Variants in NRXN1 observed in about 807,000 individuals in gnomAD.
The protein encoded by NRXN1 is neurexin 1.
A neutral mutation model predicts 150.9 loss-of-function variants in NRXN1; 39 were observed. The observed-to-expected ratio is 0.26, with a 90% CI of 0.20 to 0.34. The LOEUF is 0.34. Among genes scored for constraint, NRXN1 ranks in the 10% least tolerant of loss-of-function variants. The probability of loss-of-function intolerance (pLI) is 1.00; values close to 1 mark genes in which losing one functional copy is unlikely to be tolerated. For missense variants in NRXN1, 1,815 were observed against 1,949.9 expected, an observed-to-expected ratio of 0.93 and a Z score of 1.30; for synonymous variants, 924 against 757.0, an observed-to-expected ratio of 1.22 and a Z score of -3.62.
intron 5 of NRXN1, among the ~76,000 whole-genome samples, chr2:50,667,413 C>A (rs1481795860): frequency 6.6e-6 from 1 of 151,862 alleles, no homozygotes; most frequent in Admixed American, 6.6e-5. Flanking sequence ...CACATGTTCA[C>A]AGAATAAGAA....
At chr2:50,639,606 T>C (rs938694734) in intron 5 of NRXN1, among the ~76,000 whole-genome samples, 2 of 152,148 alleles carry the variant, frequency 1.3e-5, no homozygotes, top group African/African-American at 2.4e-5. Flanking sequence ...TTCTGTAAAA[T>C]ACATGACAGT....
intron 17 of NRXN1, among the ~76,000 whole-genome samples, chr2:50,419,042 A>G (rs1299010849): frequency 6.6e-6 from 1 of 152,062 alleles, no homozygotes; most frequent in African/African-American, 2.4e-5. Context: ...GACAAAATAC[A>G]CAATTGAGGA....
intron 5 of NRXN1, among the ~76,000 whole-genome samples, chr2:50,870,417 C>T (rs1677604049): frequency 6.6e-6 from 1 of 151,918 alleles, no homozygotes; most frequent in Non-Finnish European, 1.5e-5. Flanking sequence ...CCCGCCTCAG[C>T]CTTCTGAGTA....
intron 21 of NRXN1, among the ~76,000 whole-genome samples, chr2:50,049,142 A>T (rs2152615593): frequency 6.6e-6 from 1 of 152,306 alleles, no homozygotes; most frequent in South Asian, 2.1e-4. Context: ...AGAGTATAAT[A>T]TAATTTATAG....
At chr2:50,039,330 G>A (rs1690557762) in intron 21 of NRXN1, among the ~76,000 whole-genome samples, 1 of 152,142 alleles carries the variant, frequency 6.6e-6, no homozygotes, top group South Asian at 2.1e-4. Context: ...GCTGGGCATG[G>A]TGGTGCACGC....
At chr2:50,646,158 C>A (rs750925476) in intron 5 of NRXN1, among the ~76,000 whole-genome samples, 1 of 151,868 alleles carries the variant, frequency 6.6e-6, no homozygotes, top group South Asian at 2.1e-4. Flanking sequence ...TGGTAATATA[C>A]TATTAGGTTG....
intron 5 of NRXN1, among the ~76,000 whole-genome samples, chr2:50,855,729 T>C (rs1559356385): frequency 6.6e-6 from 1 of 152,038 alleles, no homozygotes; most frequent in Non-Finnish European, 1.5e-5. Context: ...TCCTTAATAT[T>C]TAAAAAGAGG....
At chr2:50,108,667 C>T (rs1325170977) in intron 18 of NRXN1, among the ~76,000 whole-genome samples, 1 of 152,058 alleles carries the variant, frequency 6.6e-6, no homozygotes, top group African/African-American at 2.4e-5. Flanking sequence ...TTAAAAATCA[C>T]TTGGTAAACT....
chr2:50,588,532 T>A (rs2103764100), intron 8 of NRXN1, among the ~76,000 whole-genome samples: 1 of 152,240 alleles, frequency 6.6e-6, no homozygotes, highest in South Asian at 2.1e-4. Context: ...ACTGAAAAAT[T>A]TGTAATGGTA....
At chr2:50,891,865 C>A (rs895678458) in intron 5 of NRXN1, among the ~76,000 whole-genome samples, 5 of 152,008 alleles carry the variant, frequency 3.3e-5, no homozygotes, top group African/African-American at 1.2e-4. Context: ...TCATTCATCA[C>A]CCATCCATTC....
chr2:50,695,940 T>G (rs1303959334), intron 5 of NRXN1, among the ~76,000 whole-genome samples: 2 of 151,560 alleles, frequency 1.3e-5, no homozygotes, highest in Non-Finnish European at 2.9e-5. Context: ...CCCTCCAGCT[T>G]CAAGCGATTC....
chr2:50,020,109 A>G (rs1470232062), intron 21 of NRXN1, among the ~76,000 whole-genome samples: 3 of 152,086 alleles, frequency 2.0e-5, no homozygotes, highest in African/African-American at 7.2e-5. Context: ...GTATACGCAG[A>G]CTAGGCACTC....
At chr2:50,534,062 A>C (rs1041201390) in intron 10 of NRXN1, among the ~76,000 whole-genome samples, 6 of 151,916 alleles carry the variant, frequency 3.9e-5, no homozygotes, top group Admixed American at 3.9e-4. Flanking sequence ...CCAGGCCCAC[A>C]GCAGAGCCTC....
intron 5 of NRXN1, among the ~76,000 whole-genome samples, chr2:50,784,904 G>T (rs931818035): frequency 4.6e-5 from 7 of 152,052 alleles, no homozygotes; most frequent in Admixed American, 2.0e-4. Flanking sequence ...CCATGTGAGG[G>T]TTATAGATAC....
rs575480685 is a variant in NRXN1, at chr2:50,657,472, T to C, written c.833-33857A>G. Among the ~76,000 whole-genome samples, 4 of 152,100 alleles carry C rather than the reference T, an allele frequency of 2.6e-5. No homozygotes were observed. The South Asian group carries it at 6.2e-4, about 24-fold the overall frequency. ...TCCATCTCCTACAGTAGAATATGAG[T>C]GACAGAGGACAGGGATCTTCATTTT... On this transcript the variant is annotated intron_variant, in intron 5 of 22. Coordinates refer to ENST00000401669, the MANE Select transcript of NRXN1 (RefSeq NM_001330078.2).
chr2:50,791,704 C>T (rs373327044), intron 5 of NRXN1, among the ~76,000 whole-genome samples: 1 of 152,142 alleles, frequency 6.6e-6, no homozygotes, highest in Admixed American at 6.6e-5. Flanking sequence ...CGCAATTATA[C>T]TCCCTGGCTG....
chr2:50,498,401 T>C (rs1443326305), intron 13 of NRXN1, among the ~76,000 whole-genome samples: 1 of 152,190 alleles, frequency 6.6e-6, no homozygotes, highest in Admixed American at 6.5e-5. Flanking sequence ...CCTTAAGTTT[T>C]CTATAACTAA....
In NRXN1 at chr2:50,042,974, G is replaced by A. The variant is rs181575259; in HGVS notation, c.4128+10297C>T. Among the ~76,000 whole-genome samples the A allele has an allele frequency of 2.8e-4, 43 of 152,238 alleles. No individual in the cohort carries two copies. The East Asian group carries it at 7.9e-3, about 28-fold the overall frequency. ...TATCATTAACTAGATCACAGGTACAGTCGCAAAACAAGAAAAGGAGGAAAT... is the reference window on the plus strand; with the variant it reads ...TATCATTAACTAGATCACAGGTACAATCGCAAAACAAGAAAAGGAGGAAAT... On this transcript the variant is annotated intron_variant, in intron 21 of 22. Coordinates refer to ENST00000401669, the MANE Select transcript of NRXN1 (RefSeq NM_001330078.2).
chr2:50,550,692 T>A (rs950718086), intron 9 of NRXN1, among the ~76,000 whole-genome samples: 2 of 150,762 alleles, frequency 1.3e-5, no homozygotes, highest in Admixed American at 1.3e-4. Context: ...TTTTATTTTT[T>A]TTTATTTTTG....
Sources: gnomAD v4.1 joint callset for allele counts (sites outside exome capture counted in the v4.1 genomes callset) on GRCh38, gnomAD v4.1.1 for gene constraint, MANE v1.5 for transcripts, NCBI Gene and HGNC (gene_info 2026-07-23, HGNC 2026-07-21) for gene names.